TPM1: variants seen among roughly 807,000 people sequenced by gnomAD.
TPM1 encodes the protein tropomyosin alpha-1 chain.
Under a neutral mutation model 42.9 loss-of-function variants are expected in TPM1, and 24 were observed. The observed-to-expected ratio is 0.56, with a 90% CI of 0.41 to 0.79. The LOEUF is 0.79. Among genes scored for constraint, TPM1 ranks in the 30% least tolerant of loss-of-function variants. The pLI, the probability that TPM1 is intolerant of heterozygous loss-of-function variation, is 0.00. For synonymous variants in TPM1, 136 were observed against 130.1 expected (o/e 1.05, Z -0.31); for missense variants, 158 against 351.8 (o/e 0.45, Z 4.41).
Position 63,066,074 on chromosome 15 carries a change from A to G in TPM1, c.*175A>G, listed in dbSNP as rs545752658. 6.2e-5 allele frequency: 95 copies of G among 1,532,738 alleles called. No individual in the cohort carries two copies. The highest frequency in any genetic ancestry group is 4.1e-4 in the South Asian group (33 of 81,248). 94.9% of individuals were successfully genotyped at this position (1,532,738 alleles called of 1,614,324 possible). A position where few individuals can be genotyped will look rare whatever the true frequency, so the allele number is the denominator to read the frequency against. ...ACAGAAGCTCTTCGTTTCAGTGTCA[A>G]ATAAACACTGTGTAAGCTATTTCTG... On this transcript the variant is annotated 3_prime_UTR_variant, in exon 10 of 10. Coordinates refer to ENST00000403994, the MANE Select transcript of TPM1 (RefSeq NM_001018005.2).
At chr15:63,055,101 C>T (rs1566954820) in intron 2 of TPM1, among the ~76,000 whole-genome samples, 2 of 151,950 alleles carry the variant, frequency 1.3e-5, no homozygotes, top group African/African-American at 2.4e-5. Context: ...ATTACCCTCA[C>T]CCTTCAATAC....
rs1043453595 is a variant in TPM1 at position 63,048,859 on chromosome 15, G to A, written c.240+4707G>A. On this transcript the variant is annotated intron_variant, in intron 2 of 9. Transcript: ENST00000403994. ...GGCGCACCTGGGCCAGCTGGCGGCG[G>A]GCTCTGGGGAGGGGCCCGGCCTGTT... The A allele has an allele frequency of 2.8e-6, 3 of 1,069,054 alleles. No homozygotes were observed. The African/African-American group carries it at 4.8e-5, about 17-fold the overall frequency. The allele number at this position is 1,069,054 out of a possible 1,614,324, so 66.2% of individuals were successfully genotyped here.
In TPM1 at chr15:63,043,972, A is replaced by T. The variant is rs1038348370; in HGVS notation, c.115-55A>T. 9.4e-6 allele frequency: 15 copies of T among 1,589,332 alleles called. No homozygotes were observed. The Admixed American group carries it at 1.4e-4, about 15-fold the overall frequency. ...TGCACCCACACCCCTCCCCTTCGGGATCACGCTGCCTGCTGCACCCCCCTC... is the reference window on the plus strand; with the variant it reads ...TGCACCCACACCCCTCCCCTTCGGGTTCACGCTGCCTGCTGCACCCCCCTC... On this transcript the variant is annotated intron_variant, in intron 1 of 9. Coordinates refer to ENST00000403994, the MANE Select transcript of TPM1 (RefSeq NM_001018005.2).
Position 63,063,032 on chromosome 15 carries a change from C to G in TPM1, c.772+387C>G, listed in dbSNP as rs900678504. Reference sequence around the variant, plus strand: ...ATTGTGGTCTTGTTTTTAGAAGAACCCATCTTCTTCCAAGTATGAATTCAA... The same window carrying G: ...ATTGTGGTCTTGTTTTTAGAAGAACGCATCTTCTTCCAAGTATGAATTCAA... On this transcript the variant is annotated intron_variant, in intron 8 of 9. Transcript: ENST00000403994. 1.1e-5 allele frequency: 14 copies of G among 1,318,334 alleles called. No individual in the cohort carries two copies. In the African/African-American group the frequency reaches 2.1e-4, roughly 20 times the overall value. 81.7% of individuals were successfully genotyped at this position (1,318,334 alleles called of 1,614,324 possible). A position where few individuals can be genotyped will look rare whatever the true frequency, so the allele number is the denominator to read the frequency against.
intron 9 of TPM1, chr15:63,065,043 G>A: frequency 1.0e-6 from 1 of 985,288 alleles, no homozygotes; most frequent in Non-Finnish European, 1.2e-6. Context: ...TTTTATGAAA[G>A]GAATTAAAAT....
rs1172117806 is a variant in TPM1 at position 63,042,949 on chromosome 15, C to T, written c.114+6C>T. The T allele has an allele frequency of 1.3e-6, 2 of 1,587,834 alleles. No homozygotes were observed. Among genetic ancestry groups the T allele is most frequent in the Admixed American group, 1.8e-5 (1 of 55,552 alleles). ...CGGAAGACAGGAGCAAGCAGGTCTG[C>T]GCCTCCCCGGCCCTGCGCCCGCGCC... On this transcript the variant is annotated splice_donor_region_variant and intron_variant, in intron 1 of 9. Coordinates refer to ENST00000403994, the MANE Select transcript of TPM1 (RefSeq NM_001018005.2).
At chr15:63,051,475 G>GGC (rs1478195038) in intron 2 of TPM1, among the ~76,000 whole-genome samples, 1 of 130,570 alleles carries the variant, frequency 7.7e-6, no homozygotes. Flanking sequence ...TATGGGCTTT[G>GGC]GCACACACAG....
downstream of TPM1, among the ~76,000 whole-genome samples, chr15:63,069,679 A>G (rs576426334): frequency 1.3e-5 from 2 of 152,196 alleles, no homozygotes; most frequent in South Asian, 2.1e-4. Context: ...AAGTCTACCA[A>G]GCTTTTTAGG....
downstream of TPM1, chr15:63,069,798 GC>G: frequency 1.3e-6 from 2 of 1,592,602 alleles, no homozygotes; most frequent in Non-Finnish European, 1.7e-6. Context: ...TCTATTAACT[GC>G]CTCTCACCAA....
At chr15:63,056,856 TGCACTTAAA>T in intron 2 of TPM1, 120 bp from the exon 3 acceptor site, 1 of 1,229,356 alleles carries the variant, frequency 8.1e-7, no homozygotes, top group Non-Finnish European at 1.2e-6. Flanking sequence ...GGGCTTGTAA[TGCACTTAAA>T]GGTAGCTCAC....
chr15:63,065,062 T>C, intron 9 of TPM1: 1 of 985,312 alleles, frequency 1.0e-6, no homozygotes, highest in Non-Finnish European at 1.2e-6. Flanking sequence ...ATACCCACGA[T>C]AAATATTTAC....
At chr15:63,056,686 A>G (rs923828403) in intron 2 of TPM1, 4 of 383,344 alleles carry the variant, frequency 1.0e-5, no homozygotes, top group Non-Finnish European at 2.0e-5. Flanking sequence ...ACAAAACAAA[A>G]CAAAAAAATC....
At chr15:63,066,633 G>T (rs1250842192), downstream of TPM1, among the ~76,000 whole-genome samples, 1 of 152,194 alleles carries the variant, frequency 6.6e-6, no homozygotes, top group African/African-American at 2.4e-5. Flanking sequence ...TTCAAACAAT[G>T]TAAGTTTTGG....
exon 9 of TPM1, chr15:63,071,501 A>C: frequency 5.5e-6 from 2 of 363,360 alleles, no homozygotes; most frequent in Non-Finnish European, 1.1e-5. Context: ...CAGGAAGGTT[A>C]ATGTTGGAAA....
rs916534942 is a variant in TPM1, at chr15:63,064,725, G to A, written c.851+583G>A. ...TCACGCCTGTAATCCCAGCACTTTG[G>A]GAGGCCGAGGCGGGCGGATCACGAG... On this transcript the variant is annotated intron_variant, in intron 9 of 9. Coordinates refer to ENST00000403994, the MANE Select transcript of TPM1 (RefSeq NM_001018005.2). The A allele has an allele frequency of 1.8e-4, 165 of 938,338 alleles. No individual in the cohort carries two copies. The Middle Eastern group carries it at 3.3e-3, about 19-fold the overall frequency. 58.1% of individuals were successfully genotyped at this position (938,338 alleles called of 1,614,324 possible).
downstream of TPM1, chr15:63,070,157 G>C (rs2036525566): frequency 7.2e-7 from 1 of 1,394,686 alleles, no homozygotes; most frequent in African/African-American, 1.5e-5. Context: ...CAGCTTTTAT[G>C]GTAGAATACT....
At chr15:63,068,015 T>C (rs1308827678), downstream of TPM1, among the ~76,000 whole-genome samples, 1 of 152,178 alleles carries the variant, frequency 6.6e-6, no homozygotes, top group Non-Finnish European at 1.5e-5. Context: ...CTCTGGATTC[T>C]CCAGATTTTC....
intron 6 of TPM1, 194 bp downstream of exon 6, chr15:63,061,982 CAATTT>C (rs1198907384): frequency 1.5e-6 from 1 of 671,962 alleles, no homozygotes; most frequent in Non-Finnish European, 2.6e-6. Flanking sequence ...TATGAGGCAT[CAATTT>C]AATTTAAACC....
chr15:63,048,491 C>A (rs1192814678), intron 2 of TPM1: 1 of 1,447,706 alleles, frequency 6.9e-7, no homozygotes, highest in South Asian at 1.4e-5. Flanking sequence ...CGCTGGGCAG[C>A]CAGGACAGCC....
Sources: gnomAD v4.1 joint callset for allele counts (sites outside exome capture counted in the v4.1 genomes callset) on GRCh38, gnomAD v4.1.1 for gene constraint, MANE v1.5 for transcripts, NCBI Gene and HGNC (gene_info 2026-07-23, HGNC 2026-07-21) for gene names.